Variants in PDE4B observed in about 807,000 individuals in gnomAD.
The protein encoded by PDE4B is phosphodiesterase 4B.
A neutral mutation model predicts 82.2 loss-of-function variants in PDE4B; 20 were observed. The ratio of observed to expected loss-of-function variants is 0.24; its 90% CI spans 0.17 to 0.35. The LOEUF (loss-of-function observed/expected upper bound fraction) is 0.35. Ranked by LOEUF, PDE4B falls within the 10% of genes least tolerant of loss-of-function variation. The pLI, the probability that PDE4B is intolerant of heterozygous loss-of-function variation, is 1.00. For synonymous variants in PDE4B, 320 were observed against 318.9 expected (o/e 1.00, Z -0.04); for missense variants, 655 against 907.2 (o/e 0.72, Z 3.57).
intron 3 of PDE4B, among the ~76,000 whole-genome samples, chr1:66,193,722 T>A (rs978603094): frequency 6.6e-6 from 1 of 152,122 alleles, no homozygotes; most frequent in Non-Finnish European, 1.5e-5. Flanking sequence ...GTAGCTGACC[T>A]TTGGAGAAAT....
intron 3 of PDE4B, among the ~76,000 whole-genome samples, chr1:66,198,162 C>A (rs1219169331): frequency 6.6e-6 from 1 of 152,030 alleles, no homozygotes; most frequent in Admixed American, 6.6e-5. Flanking sequence ...TCAAACCAAG[C>A]GGCTAATATT....
chr1:65,939,970 G>A (rs550574313), intron 3 of PDE4B, among the ~76,000 whole-genome samples: 2 of 152,228 alleles, frequency 1.3e-5, no homozygotes, highest in South Asian at 2.1e-4. Flanking sequence ...TTTGTTCATT[G>A]AGCTGCAAGC....
intron 3 of PDE4B, among the ~76,000 whole-genome samples, chr1:65,922,932 A>G (rs937935513): frequency 3.9e-5 from 6 of 152,200 alleles, no homozygotes; most frequent in African/African-American, 1.4e-4. Flanking sequence ...GTATACCAGT[A>G]CTAACTTACT....
intron 1 of PDE4B, among the ~76,000 whole-genome samples, chr1:65,890,992 T>C (rs954382906): frequency 1.3e-5 from 2 of 152,062 alleles, no homozygotes; most frequent in African/African-American, 4.8e-5. Flanking sequence ...CACCTACCTG[T>C]ACTAAGCCTC....
intron 3 of PDE4B, among the ~76,000 whole-genome samples, chr1:66,078,519 T>C (rs1229278703): frequency 6.6e-6 from 1 of 152,120 alleles, no homozygotes. Context: ...CTAAAGCCTC[T>C]TTCTTTAATC....
At chr1:66,354,795 T>C in intron 8 of PDE4B, 1 of 1,534,850 alleles carries the variant, frequency 6.5e-7, no homozygotes, top group Non-Finnish European at 8.7e-7. Flanking sequence ...CTCTCAGAAC[T>C]GTGAATTCTT....
In PDE4B at chr1:65,792,925, C is replaced by G. The variant is rs1472273002; in HGVS notation, c.-394C>G. 1.3e-5 allele frequency among the ~76,000 whole-genome samples: 2 copies of G among 152,002 alleles called. No individual in the cohort carries two copies. Among genetic ancestry groups the G allele is most frequent in the Non-Finnish European group, 2.9e-5 (2 of 67,908 alleles). ...ACGAGAGAAGAGCTGAGGGGCGCGT[C>G]GCCAGCGCCTGTGTCTCCCTGGCGC... On this transcript the variant is annotated 5_prime_UTR_variant, in exon 1 of 17. Transcript: ENST00000341517.
intron 3 of PDE4B, among the ~76,000 whole-genome samples, chr1:65,939,465 T>C (rs1228730070): frequency 6.6e-6 from 1 of 152,164 alleles, no homozygotes; most frequent in Non-Finnish European, 1.5e-5. Context: ...AGCAACTTCA[T>C]GGACAGCTGT....
chr1:66,085,390 G>A (rs1482026747), intron 3 of PDE4B, among the ~76,000 whole-genome samples: 1 of 152,152 alleles, frequency 6.6e-6, no homozygotes, highest in Non-Finnish European at 1.5e-5. Flanking sequence ...TTTTCATAAA[G>A]CATTGAATGA....
intron 3 of PDE4B, among the ~76,000 whole-genome samples, chr1:66,052,284 T>C (rs1367783678): frequency 6.6e-6 from 1 of 152,208 alleles, no homozygotes; most frequent in East Asian, 1.9e-4. Flanking sequence ...AGATTACCTG[T>C]ACTATCCTTT....
intron 1 of PDE4B, among the ~76,000 whole-genome samples, chr1:65,896,097 CAT>C (rs567048798): frequency 1.4e-3 from 206 of 151,862 alleles, no homozygotes; most frequent in African/African-American, 4.3e-3. Context: ...TTTATATATG[CAT>C]GTGTGTGTGT....
chr1:65,918,540 A>G (rs1647187315), intron 2 of PDE4B, 57 bp from the exon 3 acceptor site: 1 of 1,017,878 alleles, frequency 9.8e-7, no homozygotes. Flanking sequence ...CACTCCATTT[A>G]ACATTTGAAT....
At chr1:66,355,012 C>A in intron 8 of PDE4B, 1 of 815,596 alleles carries the variant, frequency 1.2e-6, no homozygotes, top group Non-Finnish European at 1.9e-6. Context: ...ATTTAACCCA[C>A]TGGGACCTCT....
intron 3 of PDE4B, among the ~76,000 whole-genome samples, chr1:66,137,360 A>C (rs967591372): frequency 1.3e-5 from 2 of 152,172 alleles, no homozygotes; most frequent in Non-Finnish European, 2.9e-5. Context: ...GAGAAGTGTG[A>C]CATAAGCATG....
At chr1:66,291,150 T>A (rs1290914103) in intron 7 of PDE4B, among the ~76,000 whole-genome samples, 2 of 152,162 alleles carry the variant, frequency 1.3e-5, no homozygotes, top group African/African-American at 4.8e-5. Context: ...GTCTTTTATA[T>A]CAGGCTGTGG....
intron 7 of PDE4B, among the ~76,000 whole-genome samples, chr1:66,291,559 A>T (rs967546761): frequency 4.6e-5 from 7 of 152,172 alleles, no homozygotes; most frequent in African/African-American, 1.2e-4. Flanking sequence ...GAATTATGGA[A>T]TTAATAGATT....
chr1:66,196,425 G>A (rs1427897620), intron 3 of PDE4B, among the ~76,000 whole-genome samples: 2 of 152,188 alleles, frequency 1.3e-5, no homozygotes, highest in Non-Finnish European at 2.9e-5. Context: ...AAGGGTTCAG[G>A]CTCCATCTTG....
intron 3 of PDE4B, among the ~76,000 whole-genome samples, chr1:66,132,197 G>A (rs1255623648): frequency 6.6e-6 from 1 of 152,136 alleles, no homozygotes; most frequent in Non-Finnish European, 1.5e-5. Context: ...CTGAAAAACT[G>A]AGTATATTCA....
intron 3 of PDE4B, among the ~76,000 whole-genome samples, chr1:66,230,870 A>C (rs1557649013): frequency 6.6e-6 from 1 of 152,022 alleles, no homozygotes; most frequent in Non-Finnish European, 1.5e-5. Flanking sequence ...ACATGGTGAA[A>C]CCCTGCTTCC....
Sources: allele counts gnomAD v4.1 joint callset (sites outside exome capture counted in the v4.1 genomes callset), GRCh38; gene constraint gnomAD v4.1.1; transcripts MANE v1.5; gene names NCBI Gene and HGNC (gene_info 2026-07-23, HGNC 2026-07-21).